The following ITGB7 variants were observed in gnomAD, a reference collection of about 807,000 sequenced individuals.
ITGB7 encodes integrin beta-7.
In ITGB7, 55 loss-of-function variants were observed where a neutral mutation model predicts 83.4. The observed-to-expected ratio is 0.66, with a 90% CI of 0.53 to 0.83. The LOEUF (loss-of-function observed/expected upper bound fraction) is 0.83, where lower values mean the gene tolerates loss of function less well. Ranked by LOEUF, ITGB7 falls within the 40% of genes least tolerant of loss-of-function variation. The pLI, the probability that ITGB7 is intolerant of heterozygous loss-of-function variation, is 0.00. For missense variants in ITGB7, 921 were observed against 1,046.7 expected, an observed-to-expected ratio of 0.88 and a Z score of 1.66; for synonymous variants, 454 against 423.6, an observed-to-expected ratio of 1.07 and a Z score of -0.88.
intron 1 of ITGB7, among the ~76,000 whole-genome samples, chr12:53,202,618 G>T (rs527980564): frequency 9.2e-4 from 139 of 151,660 alleles, no homozygotes; most frequent in Non-Finnish European, 1.7e-3. Flanking sequence ...GGCTCCCAAA[G>T]TGCTGGGATT....
chr12:53,197,067 G>C (rs1349247093), intron 5 of ITGB7: 2 of 574,750 alleles, frequency 3.5e-6, no homozygotes, highest in African/African-American at 1.9e-5. Context: ...GGCGGAAGAA[G>C]GCCCGGGTAT....
chr12:53,196,516 C>T (rs570284143), intron 6 of ITGB7, 63 bp downstream of exon 6: 18 of 1,557,024 alleles, frequency 1.2e-5, no homozygotes, highest in Non-Finnish European at 1.6e-5. Context: ...ACTACACAAC[C>T]ATAAGGGGCA....
chr12:53,202,543 G>T (rs960154593), intron 1 of ITGB7, among the ~76,000 whole-genome samples: 2 of 151,692 alleles, frequency 1.3e-5, no homozygotes, highest in Non-Finnish European at 2.9e-5. Flanking sequence ...TTAGTAGAGA[G>T]AGGGTTTGAC....
intron 11 of ITGB7, 154 bp from the exon 12 acceptor site, chr12:53,193,517 A>C (rs1942043743): frequency 1.4e-6 from 1 of 738,302 alleles, no homozygotes; most frequent in Non-Finnish European, 2.2e-6. Context: ...CTGAGGGGTG[A>C]GAGAGTGGAG....
At chr12:53,193,656 G>A (rs1031142188) in intron 11 of ITGB7, 52 bp downstream of exon 11, 3 of 1,488,584 alleles carry the variant, frequency 2.0e-6, no homozygotes, top group East Asian at 4.6e-5. Context: ...TACGGGCCAG[G>A]GTTGGTTGGT....
chr12:53,196,314 CCCTTGCCTCCAGTA>C, intron 6 of ITGB7, 115 bp from the exon 7 acceptor site: 1 of 1,270,334 alleles, frequency 7.9e-7, no homozygotes, highest in Non-Finnish European at 1.1e-6. Flanking sequence ...CTTGTCCATC[CCCTTGCCTCCAGTA>C]CCTTGCTTCT....
In ITGB7 at chr12:53,192,798, G is replaced by A. The variant is rs747564956; in HGVS notation, c.1839C>T (p.Cys613=). Residue 613 remains cysteine, a synonymous_variant, in exon 13 of 16, where the codon TGC becomes TGT. Coordinates refer to ENST00000267082, the MANE Select transcript of ITGB7 (RefSeq NM_000889.3). ...DSCISPEGGL[C]SGHGRCKCNR... ...TGCATTTGCAGCGTCCATGCCCACT[G>A]CAGAGCCCTCCCTCGGGACTGATGC... 1.2e-6 allele frequency: 2 copies of A among 1,614,242 alleles called. No individual in the cohort carries two copies. Among genetic ancestry groups the A allele is most frequent in the Admixed American group, 3.3e-5 (2 of 60,032 alleles).
At chr12:53,206,198 G>A (rs1250096432) in intron 1 of ITGB7, among the ~76,000 whole-genome samples, 1 of 151,998 alleles carries the variant, frequency 6.6e-6, no homozygotes, top group Non-Finnish European at 1.5e-5. Context: ...GTCTCTCTCT[G>A]GCTCCTTTCA....
At chr12:53,201,694 C>T (rs1296166946) in intron 1 of ITGB7, among the ~76,000 whole-genome samples, 3 of 151,602 alleles carry the variant, frequency 2.0e-5, no homozygotes, top group African/African-American at 7.3e-5. Context: ...TATGGAATTG[C>T]TCGGAACCCC....
intron 2 of ITGB7, among the ~76,000 whole-genome samples, chr12:53,200,766 TAAAAATAC>T (rs1220370131): frequency 6.6e-6 from 1 of 151,902 alleles, no homozygotes; most frequent in Admixed American, 6.6e-5. Flanking sequence ...CCATCTCTAC[TAAAAATAC>T]AAAAATTAGT....
At position 53,194,316 on chromosome 12, in the gene ITGB7, T is replaced by C. The variant is rs1481355313; in HGVS notation, c.1190A>G (p.His397Arg). The C allele has an allele frequency of 1.2e-6, 2 of 1,613,442 alleles. No individual in the cohort carries two copies. The highest frequency in any genetic ancestry group is 1.7e-6 in the Non-Finnish European group (2 of 1,179,840). The change falls in exon 10 of 16, where the codon CAC (histidine) becomes CGC (arginine). Residue 397 changes from histidine (H) to arginine (R), a missense_variant. Coordinates refer to ENST00000267082, the MANE Select transcript of ITGB7 (RefSeq NM_000889.3). The part of the protein sequence containing the change: ...NSLSSTVTLE[H>R]SSLPPGVHIS... ...GTGGACCCCAGGAGGGAGTGAAGAG[T>C]GTTCAAGGGTCACGGTGGAAGACAG... is the stretch of plus-strand genomic sequence containing the variant.
chr12:53,201,784 A>G (rs1339467030), intron 1 of ITGB7, among the ~76,000 whole-genome samples: 1 of 152,198 alleles, frequency 6.6e-6, no homozygotes, highest in Non-Finnish European at 1.5e-5. Flanking sequence ...GCAGTGGCTC[A>G]TGCGTGTAAT....
At chr12:53,194,128 T>C (rs981044640) in intron 10 of ITGB7, 70 bp downstream of exon 10, 6 of 1,601,880 alleles carry the variant, frequency 3.7e-6, no homozygotes, top group African/African-American at 1.3e-5. Flanking sequence ...CACCCATCTT[T>C]TCCTGCCTGC....
chr12:53,199,417 G>A (rs1942267143), intron 3 of ITGB7, among the ~76,000 whole-genome samples: 1 of 151,982 alleles, frequency 6.6e-6, no homozygotes. Context: ...CCAGTCATAG[G>A]CTACTACACA....
intron 1 of ITGB7, among the ~76,000 whole-genome samples, chr12:53,202,955 T>A (rs1410782685): frequency 6.6e-6 from 1 of 152,138 alleles, no homozygotes; most frequent in Non-Finnish European, 1.5e-5. Flanking sequence ...GCCCTAAATA[T>A]AACTACTAAA....
Position 53,191,574 on chromosome 12 carries a change from T to C in ITGB7, c.2379A>G (p.Ala793=). The part of the protein sequence containing the change: ...TTTINPRFQE[A]DSPTL ...CCCTCCTTCAGAGAGTGGGACTGTCTGCCTCTTGAAAGCGAGGATTGATGG... is the reference window on the plus strand; with the variant it reads ...CCCTCCTTCAGAGAGTGGGACTGTCCGCCTCTTGAAAGCGAGGATTGATGG... Residue 793 remains alanine, a synonymous_variant, in exon 16 of 16, where the codon GCA becomes GCG. Transcript: ENST00000267082. The C allele has an allele frequency of 6.2e-7, 1 of 1,612,846 alleles. No individual in the cohort carries two copies. Among genetic ancestry groups the C allele is most frequent in the African/African-American group, 1.3e-5 (1 of 75,012 alleles).
intron 12 of ITGB7, 101 bp downstream of exon 12, chr12:53,193,039 G>C (rs149135939): frequency 1.5e-6 from 2 of 1,374,696 alleles, no homozygotes; most frequent in Non-Finnish European, 2.0e-6. Flanking sequence ...CCATACACCG[G>C]AATCTTTTGA....
In ITGB7 at chr12:53,196,801, G is replaced by A. The variant is rs1310447366; in HGVS notation, c.594C>T (p.Asp198=). ...TGCTCACAAAGGGCAGCACCGTTTT[G>A]TCCACAAAGGAACCAAAACCTGGGA... ...SVRIGFGSFV[D]KTVLPFVSTV... is the part of the protein sequence containing the mutation. The change falls in exon 6 of 16, where the codon GAC becomes GAT. Residue 198 remains aspartate, a synonymous_variant. Transcript: ENST00000267082. The A allele has an allele frequency of 3.1e-6, 5 of 1,597,858 alleles. No individual in the cohort carries two copies. The highest frequency in any genetic ancestry group is 1.3e-5 in the African/African-American group (1 of 74,644).
At chr12:53,202,306 C>A (rs1387824152) in intron 1 of ITGB7, among the ~76,000 whole-genome samples, 3 of 152,084 alleles carry the variant, frequency 2.0e-5, no homozygotes, top group Non-Finnish European at 4.4e-5. Context: ...TTGCAGTGAG[C>A]TGCAATTGTG....
Sources: allele counts gnomAD v4.1 joint callset (sites outside exome capture counted in the v4.1 genomes callset), GRCh38; gene constraint gnomAD v4.1.1; transcripts MANE v1.5; gene names NCBI Gene and HGNC (gene_info 2026-07-23, HGNC 2026-07-21).